Variants in TTN observed in about 807,000 individuals in gnomAD.
The protein encoded by TTN is titin.
In TTN, 1,525 loss-of-function variants were observed where a neutral mutation model predicts 3,223.0. The ratio of observed to expected loss-of-function variants is 0.47; its 90% confidence interval spans 0.45 to 0.49. The LOEUF is 0.49. Among genes scored for constraint, TTN ranks in the 20% least tolerant of loss-of-function variants. The pLI, the probability that TTN is intolerant of heterozygous loss-of-function variation, is 0.00. For synonymous variants in TTN, 14,094 were observed against 15,161.0 expected (o/e 0.93, Z 5.17); for missense variants, 40,786 against 43,424.0 (o/e 0.94, Z 5.40).
In TTN at chr2:178,634,267, T is replaced by C; in HGVS notation, c.42415+99A>G. The C allele has an allele frequency of 6.6e-7, 1 of 1,506,748 alleles. No homozygotes were observed. Among genetic ancestry groups the C allele is most frequent in the African/African-American group, 1.4e-5 (1 of 71,094 alleles). 93.3% of individuals were successfully genotyped at this position (1,506,748 alleles called of 1,614,324 possible). A position where few individuals can be genotyped will look rare whatever the true frequency, so the allele number is the denominator to read the frequency against. On this transcript the variant is annotated intron_variant, in intron 230 of 362. Transcript: ENST00000589042. This position sits in a 1 kb window ranked among gnomAD's most constrained non-coding sequence, Gnocchi z 4.6. ...TGGTAACACTGTGAAAGTTAATTAGTGATGCATTATCACAGCTTTTAGAAC... is the reference window on the plus strand; with the variant it reads ...TGGTAACACTGTGAAAGTTAATTAGCGATGCATTATCACAGCTTTTAGAAC...
chr2:178,804,570 A>C lies in TTN; in HGVS notation c.73T>G (p.Phe25Val). The C allele has an allele frequency of 1.2e-6, 2 of 1,614,008 alleles. No individual in the cohort carries two copies. Among genetic ancestry groups the C allele is most frequent in the South Asian group, 1.1e-5 (1 of 91,024 alleles). Residue 25 changes from phenylalanine (F) to valine (V), a missense_variant, in exon 2 of 363, where the codon TTT becomes GTT. Coordinates refer to ENST00000589042, the MANE Select transcript of TTN (RefSeq NM_001267550.2). Reference protein sequence around the residue: ...VVVLEGSTATFEAHISGFPVP... With the variant: ...VVVLEGSTATVEAHISGFPVP... ...AGCTTACCACTAATGTGAGCCTCAAAGGTTGCGGTACTACCCTCCAGTACC... is the reference window on the plus strand; with the variant it reads ...AGCTTACCACTAATGTGAGCCTCAACGGTTGCGGTACTACCCTCCAGTACC...
Position 178,583,684 on chromosome 2 carries a change from C to G in TTN, c.65498G>C (p.Arg21833Thr). Residue 21833 changes from arginine (R) to threonine (T), a missense_variant, in exon 312 of 363, where the codon AGA becomes ACA. Transcript: ENST00000589042. ...GLEEKAQYQF[R>T]AIARTAVNIS... ...GTTTACCGCGGTCCTGGCAATAGCT[C>G]TAAATTGATACTGAGCTTTCTCTTC... is the stretch of plus-strand genomic sequence containing the variant. 1 of 1,612,318 alleles carries G rather than the reference C, an allele frequency of 6.2e-7. No individual in the cohort carries two copies. Among genetic ancestry groups the G allele is most frequent in the East Asian group, 2.2e-5 (1 of 44,566 alleles).
At chr2:178,724,190 A>G in intron 72 of TTN, 47 bp from the exon 73 acceptor site, 1 of 1,584,752 alleles carries the variant, frequency 6.3e-7, no homozygotes, top group Middle Eastern at 1.7e-4. Context: ...AAAGAATAGA[A>G]GAGACTTGAA....
chr2:178,669,271 TA>T, intron 159 of TTN, 101 bp downstream of exon 159: 1 of 910,326 alleles, frequency 1.1e-6, no homozygotes, highest in Non-Finnish European at 1.6e-6. Flanking sequence ...TAGGCTTTTA[TA>T]AGAGTTTAGT....
chr2:178,529,599 T>A (rs1229320622), intron 359 of TTN, among the ~76,000 whole-genome samples: 1 of 152,246 alleles, frequency 6.6e-6, no homozygotes, highest in African/African-American at 2.4e-5. Flanking sequence ...GAAATAGTTC[T>A]TTAATTAACT....
At chr2:178,580,288 A>T in intron 317 of TTN, 34 bp downstream of exon 317, 1 of 1,605,382 alleles carries the variant, frequency 6.2e-7, no homozygotes, top group Non-Finnish European at 8.5e-7. Context: ...AGCTATTTTA[A>T]AATATATATG....
In TTN at chr2:178,735,494, A is replaced by G. The variant is rs1409299985; in HGVS notation, c.14935+17T>C. 6.5e-7 allele frequency: 1 copy of G among 1,539,322 alleles called. No individual in the cohort carries two copies. The highest frequency in any genetic ancestry group is 1.4e-5 in the African/African-American group (1 of 72,262). Reference sequence around the variant, plus strand: ...TTGCAGAGAAGGGACTAGAAAATACATTCACACGTTTCTTACCTCTGACAG... The same window carrying G: ...TTGCAGAGAAGGGACTAGAAAATACGTTCACACGTTTCTTACCTCTGACAG... On this transcript the variant is annotated intron_variant, in intron 50 of 362. Coordinates refer to ENST00000589042, the MANE Select transcript of TTN (RefSeq NM_001267550.2).
chr2:178,732,791 ACATAATCTTTAATAAGGATAAAATG>A lies in TTN; in HGVS notation c.16342+18_16342+42del, dbSNP rs1248545594. The A allele has an allele frequency of 1.3e-6, 2 of 1,572,978 alleles. No homozygotes were observed. The highest frequency in any genetic ancestry group is 1.7e-6 in the Non-Finnish European group (2 of 1,159,772). ...TCTAAGGGAAGATGACTTAATTTGAACATAATCTTTAATAAGGATAAAATGCAAAGTCTCCAGCCAACCTTGCACA... is the reference window on the plus strand; with the variant it reads ...TCTAAGGGAAGATGACTTAATTTGAACAAAGTCTCCAGCCAACCTTGCACA... On this transcript the variant is annotated intron_variant, in intron 55 of 362. Coordinates refer to ENST00000589042, the MANE Select transcript of TTN (RefSeq NM_001267550.2).
rs1283675898 is a variant in TTN, at chr2:178,712,540, G to A, written c.27382C>T (p.Pro9128Ser). 1.2e-6 allele frequency: 2 copies of A among 1,613,478 alleles called. No individual in the cohort carries two copies. Among genetic ancestry groups the A allele is most frequent in the South Asian group, 2.2e-5 (2 of 91,058 alleles). ...LNDYSIEKGK[P>S]LILEGTFTGT... ...GTGAATGTACCCTCTAGGATCAGGG[G>A]TTTTCCTTTCTCTATGCTGTAATCA... Residue 9128 changes from proline (P) to serine (S), a missense_variant, in exon 95 of 363, where the codon CCC becomes TCC. Pro to Ser is a moderately conservative substitution (Grantham distance 74). Coordinates refer to ENST00000589042, the MANE Select transcript of TTN (RefSeq NM_001267550.2).
At chr2:178,630,138 A>T in intron 239 of TTN, 103 bp downstream of exon 239, 1 of 1,505,130 alleles carries the variant, frequency 6.6e-7, no homozygotes, top group Non-Finnish European at 9.1e-7. Context: ...TTTGTGTTTT[A>T]ATAATATTTT....
At position 178,534,291 on chromosome 2, in the gene TTN, T is replaced by C; in HGVS notation, c.102324A>G (p.Ala34108=). Residue 34108 remains alanine, a synonymous_variant, in exon 358 of 363, where the codon GCA becomes GCG. Coordinates refer to ENST00000589042, the MANE Select transcript of TTN (RefSeq NM_001267550.2). ...IKKDLNMVVS[A]ARISCGGAIR... is the part of the protein sequence containing the mutation. ...TTGCACCACCACAGGAGATCCGGGC[T>C]GCTGACACAACCATGTTGAGGTCTT... 6.2e-7 allele frequency: 1 copy of C among 1,613,902 alleles called. No individual in the cohort carries two copies. Among genetic ancestry groups the C allele is most frequent in the South Asian group, 1.1e-5 (1 of 91,090 alleles).
chr2:178,707,430 T>C (rs909206707), intron 100 of TTN, 96 bp downstream of exon 100: 10 of 1,398,280 alleles, frequency 7.2e-6, no homozygotes, highest in African/African-American at 5.8e-5. Flanking sequence ...CTGATATTTC[T>C]AAAAATCTAA....
At position 178,571,711 on chromosome 2, in the gene TTN, G is replaced by A; in HGVS notation, c.74421C>T (p.Asp24807=). 6.2e-7 allele frequency: 1 copy of A among 1,613,454 alleles called. No homozygotes were observed. Among genetic ancestry groups the A allele is most frequent in the South Asian group, 1.1e-5 (1 of 91,062 alleles). Residue 24807 remains aspartate (D), a synonymous_variant, in exon 326 of 363, where the codon GAC becomes GAT. Coordinates refer to ENST00000589042, the MANE Select transcript of TTN (RefSeq NM_001267550.2). ...CTGGTCCAGTTGGAGGCCCTGGTTT[G>A]TCAAGAACGATAACATTAAGGGTTT... The part of the protein sequence containing the change: ...AIETLNVIVL[D]KPGPPTGPVK...
chr2:178,638,136 C>T (rs567168692), intron 223 of TTN, among the ~76,000 whole-genome samples: 24 of 151,982 alleles, frequency 1.6e-4, no homozygotes, highest in Non-Finnish European at 3.2e-4. Flanking sequence ...AATAAAAGTA[C>T]TACGTTGACA....
At position 178,633,922 on chromosome 2, in the gene TTN, C is replaced by T. The variant is rs766100670; in HGVS notation, c.42577G>A (p.Gly14193Ser). 7.4e-6 allele frequency: 12 copies of T among 1,613,214 alleles called. No individual in the cohort carries two copies. In the Admixed American group the frequency reaches 2.0e-4, roughly 27 times the overall value. The stretch of plus-strand genomic sequence containing the variant: ...TTCATTTCCAATTTGTGAGTCTTGC[C>T]CTCAGAAGAGATGAGTACTGTTCTG... ...TSRTVLISSE[G>S]KTHKLEMKEV... The change falls in exon 231 of 363, where the codon GGC becomes AGC. Residue 14193 changes from glycine to serine, a missense_variant. Gly to Ser is a moderately conservative substitution (Grantham distance 56). Coordinates refer to ENST00000589042, the MANE Select transcript of TTN (RefSeq NM_001267550.2).
chr2:178,540,006 A>G, intron 351 of TTN, 40 bp from the exon 352 acceptor site: 1 of 1,604,158 alleles, frequency 6.2e-7, no homozygotes, highest in Non-Finnish European at 8.5e-7. Flanking sequence ...CATTTGGGGT[A>G]GGGGGACTAA....
chr2:178,537,170 T>A lies in TTN; in HGVS notation c.99939A>T (p.Lys33313Asn), dbSNP rs1691982544. ...LLKNSAVISW[K>N]PPADDGGSWI... Reference sequence around the variant, plus strand: ...AGGAGCCTCCGTCATCTGCGGGTGGTTTCCAGCTGATCACTGCGGAGTTCT... The same window carrying A: ...AGGAGCCTCCGTCATCTGCGGGTGGATTCCAGCTGATCACTGCGGAGTTCT... The change falls in exon 356 of 363, where the codon AAA becomes AAT. Residue 33313 changes from lysine (K) to asparagine (N), a missense_variant. By Grantham distance (94) the Lys-to-Asn change is moderately conservative. Coordinates refer to ENST00000589042, the MANE Select transcript of TTN (RefSeq NM_001267550.2). 2 of 1,613,532 alleles carry A rather than the reference T, an allele frequency of 1.2e-6. No homozygotes were observed. Among genetic ancestry groups the A allele is most frequent in the Admixed American group, 3.3e-5 (2 of 59,958 alleles).
rs1340329525 is a variant in TTN at position 178,561,767 on chromosome 2, C to A, written c.84365G>T (p.Gly28122Val). 6.2e-7 allele frequency: 1 copy of A among 1,613,506 alleles called. No individual in the cohort carries two copies. The highest frequency in any genetic ancestry group is 1.7e-5 in the Admixed American group (1 of 59,976). Residue 28122 changes from glycine to valine, a missense_variant, in exon 326 of 363, where the codon GGA becomes GTA. Coordinates refer to ENST00000589042, the MANE Select transcript of TTN (RefSeq NM_001267550.2). ...ACAAACACGGAACTGATACTCACTT[C>A]CTGTTGTCAGGCGAACTATTTTAAT... ...TSIKIVRLTT[G>V]SEYQFRVCAE...
chr2:178,557,217 G>T, intron 329 of TTN, 36 bp downstream of exon 329: 1 of 1,612,698 alleles, frequency 6.2e-7, no homozygotes, highest in South Asian at 1.1e-5. Flanking sequence ...TTGCATTTTT[G>T]TTATCAGAAC....
Sources: gnomAD v4.1 joint callset for allele counts (sites outside exome capture counted in the v4.1 genomes callset) on GRCh38, gnomAD v4.1.1 for gene constraint, Gnocchi (gnomAD v3.1) non-coding constraint, MANE v1.5 for transcripts, NCBI Gene and HGNC (gene_info 2026-07-23, HGNC 2026-07-21) for gene names.